The following LYPD6B variants were observed in gnomAD, a reference collection of about 807,000 sequenced individuals.
The protein encoded by LYPD6B is LY6/PLAUR domain containing 6B, also known as ly6/PLAUR domain-containing protein 6B.
In LYPD6B, 17 loss-of-function variants were observed where a neutral mutation model predicts 22.8. The observed-to-expected ratio is 0.75, with a 90% CI of 0.51 to 1.12. LYPD6B has a LOEUF of 1.12. Among genes scored for constraint, LYPD6B ranks in the 50% most tolerant of loss-of-function variants. The pLI is 0.00. For synonymous variants in LYPD6B, 106 were observed against 91.6 expected (o/e 1.16, Z -0.90); for missense variants, 221 against 258.3 (o/e 0.86, Z 0.99).
intron 3 of LYPD6B, among the ~76,000 whole-genome samples, chr2:149,190,532 T>C (rs1283600435): frequency 6.6e-6 from 1 of 152,212 alleles, no homozygotes; most frequent in African/African-American, 2.4e-5. Flanking sequence ...AAGCAATATA[T>C]GAAAATTTCC....
chr2:149,090,663 A>C (rs1300346960), intron 1 of LYPD6B, among the ~76,000 whole-genome samples: 10 of 152,118 alleles, frequency 6.6e-5, no homozygotes, highest in Non-Finnish European at 4.4e-5. Context: ...TTAAAAAAAA[A>C]CCTCAGACTC....
At chr2:149,090,933 AGTTTT>A (rs907418218) in intron 1 of LYPD6B, among the ~76,000 whole-genome samples, 2 of 152,180 alleles carry the variant, frequency 1.3e-5, no homozygotes, top group African/African-American at 4.8e-5. Context: ...TTTTCCCATG[AGTTTT>A]GTGTGGTTAC....
intron 3 of LYPD6B, chr2:149,187,737 G>GA (rs900040227): frequency 2.4e-5 from 10 of 423,618 alleles, no homozygotes; most frequent in Non-Finnish European, 4.2e-5. Context: ...CTGATAAGCT[G>GA]AAAAAAAGAA....
chr2:149,190,296 C>G (rs1264619103), intron 3 of LYPD6B, among the ~76,000 whole-genome samples: 1 of 152,112 alleles, frequency 6.6e-6, no homozygotes, highest in Admixed American at 6.5e-5. Flanking sequence ...GTGTGTGTCT[C>G]TGTGTGTGTG....
chr2:149,143,340 T>TG (rs1382043143), intron 2 of LYPD6B, among the ~76,000 whole-genome samples: 1 of 151,876 alleles, frequency 6.6e-6, no homozygotes, highest in Non-Finnish European at 1.5e-5. Flanking sequence ...CCAACTTTTT[T>TG]TTTTTAGGAC....
intron 3 of LYPD6B, among the ~76,000 whole-genome samples, chr2:149,189,342 TTATATATATATATATA>T (rs770703554): frequency 1.5e-5 from 1 of 66,114 alleles, no homozygotes. Context: ...TTGTCCAAAA[TTATATATATATATATA>T]TATATATATA....
At chr2:149,210,940 G>A (rs1693810128) in intron 5 of LYPD6B, among the ~76,000 whole-genome samples, 1 of 152,166 alleles carries the variant, frequency 6.6e-6, no homozygotes, top group South Asian at 2.1e-4. Context: ...CATTTATAAA[G>A]AAAAGAGATT....
At chr2:149,042,663 C>A (rs185703706) in intron 1 of LYPD6B, among the ~76,000 whole-genome samples, 1 of 152,228 alleles carries the variant, frequency 6.6e-6, no homozygotes, top group Admixed American at 6.5e-5. Flanking sequence ...TTACAGTCTA[C>A]TAGATGGAGA....
At position 149,154,886 on chromosome 2, in the gene LYPD6B, G is replaced by A. The variant is rs540066034; in HGVS notation, c.6-5878G>A. On this transcript the variant is annotated intron_variant, in intron 2 of 6. Coordinates refer to ENST00000409642, the MANE Select transcript of LYPD6B (RefSeq NM_177964.5). ...AGATAATATGATTCCATATGGACTC[G>A]CGAAATACTCACAATCCAATAATTG... Among the ~76,000 whole-genome samples, 7 of 152,240 alleles carry A rather than the reference G, an allele frequency of 4.6e-5. No homozygotes were observed. In the South Asian group the frequency reaches 6.2e-4, roughly 14 times the overall value.
At chr2:149,173,556 A>C (rs994361888) in intron 3 of LYPD6B, among the ~76,000 whole-genome samples, 1 of 152,140 alleles carries the variant, frequency 6.6e-6, no homozygotes, top group Admixed American at 6.5e-5. Flanking sequence ...GTTGAGACTC[A>C]TCTATTAAAA....
At chr2:149,145,428 G>A (rs561540043) in intron 2 of LYPD6B, among the ~76,000 whole-genome samples, 5 of 152,300 alleles carry the variant, frequency 3.3e-5, no homozygotes, top group East Asian at 3.9e-4. Context: ...ACACAAGCCC[G>A]GGTGCGAGAG....
intron 3 of LYPD6B, chr2:149,187,418 T>G (rs1692187674): frequency 6.6e-7 from 1 of 1,523,296 alleles, no homozygotes; most frequent in African/African-American, 1.4e-5. Context: ...AAGATTATTA[T>G]TTTCTAGATG....
At chr2:149,098,770 T>C (rs1686046011) in intron 1 of LYPD6B, among the ~76,000 whole-genome samples, 1 of 150,672 alleles carries the variant, frequency 6.6e-6, no homozygotes, top group African/African-American at 2.4e-5. Flanking sequence ...TTTTTCTTTT[T>C]TTTTTTTTTT....
rs138448975 is a variant in LYPD6B, at chr2:149,096,450, T to A, written c.-66-34433T>A. On this transcript the variant is annotated intron_variant, in intron 1 of 6. Coordinates refer to ENST00000409642, the MANE Select transcript of LYPD6B (RefSeq NM_177964.5). ...AATAGAAAATCATTTGAGAGACAAG[T>A]AGCAAATATACCCTATGGGTTAAAT... 1.1e-3 allele frequency among the ~76,000 whole-genome samples: 172 copies of A among 152,340 alleles called. 1 individual carries two copies. Among genetic ancestry groups the A allele is most frequent in the African/African-American group, 3.8e-3 (158 of 41,590 alleles).
chr2:149,096,185 G>C (rs1402814563), intron 1 of LYPD6B, among the ~76,000 whole-genome samples: 1 of 152,012 alleles, frequency 6.6e-6, no homozygotes, highest in Non-Finnish European at 1.5e-5. Flanking sequence ...GATACAGAAA[G>C]AGACACGGAG....
At chr2:149,172,648 C>A (rs1690921200) in intron 3 of LYPD6B, among the ~76,000 whole-genome samples, 1 of 152,138 alleles carries the variant, frequency 6.6e-6, no homozygotes, top group African/African-American at 2.4e-5. Flanking sequence ...AACATTATTT[C>A]TGGGTGTGTC....
intron 1 of LYPD6B, among the ~76,000 whole-genome samples, chr2:149,065,523 G>A (rs1407666060): frequency 1.3e-5 from 2 of 152,172 alleles, no homozygotes; most frequent in Non-Finnish European, 2.9e-5. Flanking sequence ...TAGAGTAAGC[G>A]TGGCATGCTT....
chr2:149,088,413 C>G (rs1685500518), intron 1 of LYPD6B, among the ~76,000 whole-genome samples: 1 of 152,020 alleles, frequency 6.6e-6, no homozygotes, highest in Admixed American at 6.6e-5. Flanking sequence ...TTCTTTTGTC[C>G]AAGTGTTTTG....
chr2:149,139,334 G>T (rs879474732), intron 2 of LYPD6B, among the ~76,000 whole-genome samples: 2 of 152,196 alleles, frequency 1.3e-5, no homozygotes, highest in Non-Finnish European at 2.9e-5. Context: ...TGTTGTCCAA[G>T]GGTGAAGGCC....
Sources: gnomAD v4.1 joint callset for allele counts (sites outside exome capture counted in the v4.1 genomes callset) on GRCh38, gnomAD v4.1.1 for gene constraint, MANE v1.5 for transcripts, NCBI Gene and HGNC (gene_info 2026-07-23, HGNC 2026-07-21) for gene names.